Variants in GRM7 observed in about 807,000 individuals in gnomAD.
GRM7 encodes glutamate metabotropic receptor 7, also known as metabotropic glutamate receptor 7.
Under a neutral mutation model 84.5 loss-of-function variants are expected in GRM7, and 35 were observed. The observed-to-expected ratio is 0.41, with a 90% CI of 0.32 to 0.55. GRM7 has a LOEUF of 0.55. GRM7 is among the 20% of genes least tolerant of loss of function. The pLI, the probability that GRM7 is intolerant of heterozygous loss-of-function variation, is 0.19. For synonymous variants in GRM7, 487 were observed against 455.1 expected (o/e 1.07, Z -0.89); for missense variants, 1,003 against 1,194.6 (o/e 0.84, Z 2.36).
chr3:6,935,324 A>C (rs1697647592), intron 1 of GRM7, among the ~76,000 whole-genome samples: 1 of 152,160 alleles, frequency 6.6e-6, no homozygotes, highest in African/African-American at 2.4e-5. Flanking sequence ...ACTGAATGAA[A>C]ATTCAGTTTA....
At chr3:7,380,145 AT>A (rs902348165) in intron 4 of GRM7, among the ~76,000 whole-genome samples, 3 of 152,174 alleles carry the variant, frequency 2.0e-5, no homozygotes, top group African/African-American at 7.2e-5. Context: ...AGAAAAAAAA[AT>A]GCTGGTGACA....
At chr3:7,063,112 T>A (rs902014361) in intron 1 of GRM7, among the ~76,000 whole-genome samples, 1 of 151,712 alleles carries the variant, frequency 6.6e-6, no homozygotes. Context: ...GTCATATTTT[T>A]AAACATGCCC....
intron 8 of GRM7, among the ~76,000 whole-genome samples, chr3:7,663,291 T>A (rs1412509395): frequency 1.3e-5 from 2 of 152,212 alleles, no homozygotes; most frequent in African/African-American, 4.8e-5. Context: ...AGCTGCCTTA[T>A]GGAGCTGTCC....
intron 1 of GRM7, among the ~76,000 whole-genome samples, chr3:7,053,516 C>T (rs752132039): frequency 4.0e-5 from 6 of 151,678 alleles, no homozygotes; most frequent in Non-Finnish European, 8.9e-5. Flanking sequence ...TTAAATCTTA[C>T]ATTAATGTCT....
chr3:7,141,685 C>G (rs1177546149), intron 1 of GRM7, among the ~76,000 whole-genome samples: 3 of 151,628 alleles, frequency 2.0e-5, no homozygotes, highest in Admixed American at 2.0e-4. Context: ...CCTCAAAATA[C>G]TCTAAGCTCA....
intron 1 of GRM7, among the ~76,000 whole-genome samples, chr3:7,011,474 G>A (rs1402491320): frequency 2.0e-5 from 3 of 152,126 alleles, no homozygotes; most frequent in African/African-American, 7.2e-5. Context: ...GCCTTTGGTG[G>A]TATCTTACCA....
At chr3:7,714,293 C>G (rs1701700742) in intron 9 of GRM7, among the ~76,000 whole-genome samples, 1 of 152,172 alleles carries the variant, frequency 6.6e-6, no homozygotes, top group Admixed American at 6.5e-5. Flanking sequence ...TATCTCAAAA[C>G]AAAGAATAAA....
intron 7 of GRM7, among the ~76,000 whole-genome samples, chr3:7,492,092 T>C (rs1054053457): frequency 6.6e-6 from 1 of 152,186 alleles, no homozygotes; most frequent in Non-Finnish European, 1.5e-5. Context: ...TCTCTTTATA[T>C]ATTGTCAGAT....
chr3:7,321,150 G>A (rs776384197), intron 4 of GRM7, among the ~76,000 whole-genome samples: 53 of 152,004 alleles, frequency 3.5e-4, no homozygotes, highest in Non-Finnish European at 7.2e-4. Context: ...CAGTGGAAAA[G>A]TTAGATAATG....
chr3:6,908,234 C>T (rs926919194), intron 1 of GRM7, among the ~76,000 whole-genome samples: 17 of 152,138 alleles, frequency 1.1e-4, no homozygotes, highest in East Asian at 1.9e-4. Flanking sequence ...GTAGGAATGC[C>T]GGTTGAGCCT....
At chr3:7,304,422 G>A (rs1700118169) in intron 3 of GRM7, among the ~76,000 whole-genome samples, 1 of 148,626 alleles carries the variant, frequency 6.7e-6, no homozygotes, top group Non-Finnish European at 1.5e-5. Context: ...ATTTACAGAG[G>A]TCTTATATTT....
At chr3:7,145,897 T>C (rs1439172085) in intron 1 of GRM7, among the ~76,000 whole-genome samples, 1 of 152,158 alleles carries the variant, frequency 6.6e-6, no homozygotes, top group Non-Finnish European at 1.5e-5. Flanking sequence ...TTCTCTTCCC[T>C]GGGGCAAAGG....
At chr3:7,510,660 G>C (rs1700171574) in intron 7 of GRM7, among the ~76,000 whole-genome samples, 1 of 152,172 alleles carries the variant, frequency 6.6e-6, no homozygotes, top group Non-Finnish European at 1.5e-5. Context: ...ATATAGCTCT[G>C]AGGTCAGATC....
chr3:7,316,762 AG>A (rs1208231179), intron 4 of GRM7, among the ~76,000 whole-genome samples: 1 of 147,470 alleles, frequency 6.8e-6, no homozygotes, highest in African/African-American at 2.5e-5. Context: ...ATCTGAAGGT[AG>A]GCAATTGCAA....
chr3:7,474,389 A>G (rs1242873112), intron 7 of GRM7, among the ~76,000 whole-genome samples: 1 of 150,782 alleles, frequency 6.6e-6, no homozygotes, highest in Non-Finnish European at 1.5e-5. Context: ...TGATCAGTCC[A>G]CCTTTCTTTC....
At chr3:7,699,904 A>C (rs986741951) in intron 9 of GRM7, among the ~76,000 whole-genome samples, 1 of 152,162 alleles carries the variant, frequency 6.6e-6, no homozygotes, top group Non-Finnish European at 1.5e-5. Flanking sequence ...CTGGAGTTGG[A>C]CCTGGCATAA....
At chr3:7,711,536 A>T (rs778189669) in intron 9 of GRM7, among the ~76,000 whole-genome samples, 2 of 152,184 alleles carry the variant, frequency 1.3e-5, no homozygotes, top group African/African-American at 4.8e-5. Flanking sequence ...AAGGGAAGCC[A>T]TTGGAGTCTC....
At chr3:7,240,801 T>C (rs573110444) in intron 2 of GRM7, among the ~76,000 whole-genome samples, 36 of 152,314 alleles carry the variant, frequency 2.4e-4, no homozygotes, top group South Asian at 1.9e-3. Flanking sequence ...GTTTCAGTCA[T>C]CTGCTGACCG....
intron 4 of GRM7, among the ~76,000 whole-genome samples, chr3:7,356,963 C>G (rs978616918): frequency 5.5e-5 from 8 of 145,788 alleles, no homozygotes; most frequent in Non-Finnish European, 3.0e-5. Context: ...CACACACACA[C>G]AGTTATATGT....
Sources: allele counts gnomAD v4.1 joint callset (sites outside exome capture counted in the v4.1 genomes callset), GRCh38; gene constraint gnomAD v4.1.1; transcripts MANE v1.5; gene names NCBI Gene and HGNC (gene_info 2026-07-23, HGNC 2026-07-21).